The following NCAPG2 variants were observed in gnomAD, a reference collection of about 807,000 sequenced individuals.
NCAPG2 encodes the protein non-SMC condensin II complex subunit G2.
NCAPG2 carries 53 observed loss-of-function variants against 141.1 expected under a neutral mutation model. That is an observed-to-expected ratio of 0.38 (90% confidence interval 0.30 to 0.47). The LOEUF (loss-of-function observed/expected upper bound fraction) is 0.47, where lower values mean the gene tolerates loss of function less well. Ranked by LOEUF, NCAPG2 falls within the 20% of genes least tolerant of loss-of-function variation. The pLI is 0.99. For missense variants in NCAPG2, 1,087 were observed against 1,389.0 expected, an observed-to-expected ratio of 0.78 and a Z score of 3.46; for synonymous variants, 499 against 490.7, an observed-to-expected ratio of 1.02 and a Z score of -0.22.
rs141278019 is a variant in NCAPG2 at position 158,649,943 on chromosome 7, T to C, written c.3075+889A>G. Among the ~76,000 whole-genome samples, 26 of 152,370 alleles carry C rather than the reference T, an allele frequency of 1.7e-4. 1 individual carries two copies. Among genetic ancestry groups the C allele is most frequent in the African/African-American group, 5.3e-4 (22 of 41,590 alleles). Reference sequence around the variant, plus strand: ...CTGATTATAACATCCTTTAACCAAATAGACTAATAACTTCTGTATTAATAA... The same window carrying C: ...CTGATTATAACATCCTTTAACCAAACAGACTAATAACTTCTGTATTAATAA... On this transcript the variant is annotated intron_variant, in intron 24 of 27. Transcript: ENST00000356309.
intron 16 of NCAPG2, among the ~76,000 whole-genome samples, chr7:158,659,329 C>CAAAAAAAAAAAAAAAAAAACAAAAAAAA (rs34735258): frequency 1.2e-5 from 1 of 85,730 alleles, no homozygotes; most frequent in African/African-American, 4.2e-5. Flanking sequence ...GACTCCATCT[C>CAAAAAAAAAAAAAAAAAAACAAAAAAAA]AAAAAAAAAA....
intron 17 of NCAPG2, 67 bp downstream of exon 17, chr7:158,658,267 GAATT>G: frequency 1.4e-6 from 2 of 1,396,786 alleles, no homozygotes; most frequent in Non-Finnish European, 1.9e-6. Flanking sequence ...CTGCTGACAT[GAATT>G]AATAATTCAG....
rs574334786 is a variant in NCAPG2, at chr7:158,697,637, C to T, written c.79-4140G>A. 2.6e-5 allele frequency among the ~76,000 whole-genome samples: 4 copies of T among 151,186 alleles called. No homozygotes were observed. The South Asian group carries it at 8.4e-4, about 32-fold the overall frequency. On this transcript the variant is annotated intron_variant, in intron 2 of 27. Transcript: ENST00000356309. The stretch of plus-strand genomic sequence containing the variant: ...AAAAAAAAGTAAAAATAGAAAAAAG[C>T]TATCAAATAGGGGTATAAAGAGAGT...
At chr7:158,692,415 T>C (rs1563576814) in intron 4 of NCAPG2, among the ~76,000 whole-genome samples, 1 of 152,256 alleles carries the variant, frequency 6.6e-6, no homozygotes, top group Non-Finnish European at 1.5e-5. Context: ...GCTATACCTT[T>C]ATACAACTTC....
chr7:158,676,195 C>T (rs1203508501), intron 11 of NCAPG2, among the ~76,000 whole-genome samples: 1 of 152,194 alleles, frequency 6.6e-6, no homozygotes, highest in Non-Finnish European at 1.5e-5. Flanking sequence ...TCAACTCTCT[C>T]ATTTAACTAC....
At position 158,692,824 on chromosome 7, in the gene NCAPG2, A is replaced by G; in HGVS notation, c.382+18T>C. Reference sequence around the variant, plus strand: ...ACACCCACTTCTAAATATGCCATTTATAACAAAATCAACTCACCATTTAAT... The same window carrying G: ...ACACCCACTTCTAAATATGCCATTTGTAACAAAATCAACTCACCATTTAAT... On this transcript the variant is annotated intron_variant, in intron 4 of 27. Transcript: ENST00000356309. The G allele has an allele frequency of 1.5e-6, 2 of 1,373,942 alleles. No homozygotes were observed. The highest frequency in any genetic ancestry group is 2.5e-5 in the South Asian group (2 of 81,290). The allele number at this position is 1,373,942 out of a possible 1,614,324, so 85.1% of individuals were successfully genotyped here. A position where few individuals can be genotyped will look rare whatever the true frequency, so the allele number is the denominator to read the frequency against.
rs989272688 is a variant in NCAPG2 at position 158,641,173 on chromosome 7, A to G, written c.3380+3116T>C. On this transcript the variant is annotated intron_variant, in intron 27 of 27. Transcript: ENST00000356309. ...ATGCTAGGAAAGAAAACGGCATCATAAAATGTTCAGTTAAAACCACAAAAG... is the reference window on the plus strand; with the variant it reads ...ATGCTAGGAAAGAAAACGGCATCATGAAATGTTCAGTTAAAACCACAAAAG... 26 of 250,366 alleles carry G rather than the reference A, an allele frequency of 1.0e-4. 1 individual carries two copies. Among genetic ancestry groups the G allele is most frequent in the Admixed American group, 2.2e-4 (4 of 18,218 alleles). The allele number at this position is 250,366 out of a possible 1,614,324, so 15.5% of individuals were successfully genotyped here.
At chr7:158,675,219 G>C (rs1290206110) in intron 12 of NCAPG2, among the ~76,000 whole-genome samples, 1 of 152,126 alleles carries the variant, frequency 6.6e-6, no homozygotes, top group Non-Finnish European at 1.5e-5. Context: ...TACACAAAGA[G>C]ACAAAAGAGA....
chr7:158,664,428 G>T, intron 14 of NCAPG2, 100 bp downstream of exon 14: 1 of 1,499,436 alleles, frequency 6.7e-7, no homozygotes, highest in Non-Finnish European at 9.2e-7. Context: ...ATGCATTAAA[G>T]TATGAAGCTT....
At chr7:158,661,556 A>C (rs1832505585) in intron 16 of NCAPG2, among the ~76,000 whole-genome samples, 2 of 152,158 alleles carry the variant, frequency 1.3e-5, no homozygotes, top group Non-Finnish European at 2.9e-5. Context: ...GACTCCAGTT[A>C]ATAACAATAC....
At chr7:158,659,154 A>AC (rs1281989048) in intron 16 of NCAPG2, among the ~76,000 whole-genome samples, 3 of 151,626 alleles carry the variant, frequency 2.0e-5, no homozygotes, top group African/African-American at 7.3e-5. Flanking sequence ...ACATGGTGAA[A>AC]CCCTGTTCCT....
chr7:158,647,982 C>T (rs1831155323), intron 24 of NCAPG2, among the ~76,000 whole-genome samples: 1 of 152,154 alleles, frequency 6.6e-6, no homozygotes, highest in South Asian at 2.1e-4. Context: ...CCGTGCCTGG[C>T]CTAGACAGCA....
chr7:158,648,128 T>A (rs1831166896), intron 24 of NCAPG2, among the ~76,000 whole-genome samples: 1 of 152,172 alleles, frequency 6.6e-6, no homozygotes, highest in African/African-American at 2.4e-5. Flanking sequence ...TTGTTGTAAA[T>A]GCATTTCTTA....
At chr7:158,660,103 A>C (rs1338235616) in intron 16 of NCAPG2, among the ~76,000 whole-genome samples, 1 of 152,066 alleles carries the variant, frequency 6.6e-6, no homozygotes, top group Non-Finnish European at 1.5e-5. Context: ...GCGAGAAAAA[A>C]AAAAAAAAAG....
intron 2 of NCAPG2, among the ~76,000 whole-genome samples, chr7:158,698,068 T>G (rs1400011262): frequency 6.6e-6 from 1 of 152,182 alleles, no homozygotes; most frequent in Admixed American, 6.5e-5. Flanking sequence ...ATGAGACAAG[T>G]TGACCTATGT....
chr7:158,689,113 G>A (rs1265243330), intron 6 of NCAPG2, among the ~76,000 whole-genome samples: 1 of 152,086 alleles, frequency 6.6e-6, no homozygotes, highest in East Asian at 1.9e-4. Flanking sequence ...GAGCCTCTCT[G>A]TAATTCTCAA....
chr7:158,662,056 G>A (rs1405643908), intron 16 of NCAPG2, 138 bp downstream of exon 16: 3 of 810,520 alleles, frequency 3.7e-6, no homozygotes, highest in Non-Finnish European at 5.4e-6. Context: ...ATACTGCAAG[G>A]TAAACACTAA....
At chr7:158,679,480 T>C (rs1462695659) in intron 11 of NCAPG2, among the ~76,000 whole-genome samples, 1 of 152,222 alleles carries the variant, frequency 6.6e-6, no homozygotes, top group African/African-American at 2.4e-5. Flanking sequence ...ATATAACCAG[T>C]GTTTGCTCAT....
Position 158,702,084 on chromosome 7 carries a change from C to T in NCAPG2, c.-39-146G>A, listed in dbSNP as rs551485445. On this transcript the variant is annotated intron_variant, in intron 1 of 27. Coordinates refer to ENST00000356309, the MANE Select transcript of NCAPG2 (RefSeq NM_017760.7). ...TCTAAAAACATTCTGACATAAAACA[C>T]GCTATAATATCTGAAAAACAATTTA... 2.2e-5 allele frequency: 12 copies of T among 535,220 alleles called. No homozygotes were observed. The East Asian group carries it at 2.3e-4, about 10-fold the overall frequency. 33.2% of individuals were successfully genotyped at this position (535,220 alleles called of 1,614,324 possible).
Sources: allele counts gnomAD v4.1 joint callset (sites outside exome capture counted in the v4.1 genomes callset), GRCh38; gene constraint gnomAD v4.1.1; transcripts MANE v1.5; gene names NCBI Gene and HGNC (gene_info 2026-07-23, HGNC 2026-07-21).